CLCN3: variants seen among roughly 807,000 people sequenced by gnomAD.
CLCN3 encodes H(+)/Cl(-) exchange transporter 3.
Under a neutral mutation model 83.4 loss-of-function variants are expected in CLCN3, and 16 were observed. The ratio of observed to expected loss-of-function variants is 0.19; its 90% CI spans 0.13 to 0.29. The LOEUF is 0.29. Ranked by LOEUF, CLCN3 falls within the 10% of genes least tolerant of loss-of-function variation. The probability of loss-of-function intolerance (pLI) is 1.00; values close to 1 mark genes in which losing one functional copy is unlikely to be tolerated. For synonymous variants in CLCN3, 322 were observed against 346.2 expected, an observed-to-expected ratio of 0.93 and a Z score of 0.78; for missense variants, 544 against 1,006.0, an observed-to-expected ratio of 0.54 and a Z score of 6.21.
chr4:169,714,737 T>TA (rs1426252710), intron 12 of CLCN3, among the ~76,000 whole-genome samples: 3 of 152,128 alleles, frequency 2.0e-5, no homozygotes, highest in African/African-American at 7.2e-5. Flanking sequence ...CTGCGCTAAT[T>TA]AAAATAACTC....
intron 2 of CLCN3, among the ~76,000 whole-genome samples, chr4:169,676,660 T>A (rs1731691851): frequency 6.6e-6 from 1 of 150,860 alleles, no homozygotes; most frequent in East Asian, 1.9e-4. Flanking sequence ...ATTTTTTTTT[T>A]TTTTTTTTTG....
chr4:169,659,808 T>A (rs758173280), intron 2 of CLCN3, among the ~76,000 whole-genome samples: 3 of 152,108 alleles, frequency 2.0e-5, no homozygotes, highest in Non-Finnish European at 4.4e-5. Context: ...ATGACTCACA[T>A]GACATTACTG....
At chr4:169,660,039 G>A in intron 2 of CLCN3, 2 of 1,002,020 alleles carry the variant, frequency 2.0e-6, no homozygotes, top group Non-Finnish European at 2.4e-6. Context: ...GCTGTATTGT[G>A]AGTGTTTCAA....
chr4:169,660,330 T>C, intron 2 of CLCN3: 1 of 1,374,400 alleles, frequency 7.3e-7, no homozygotes, highest in South Asian at 1.8e-5. Flanking sequence ...TAGCAAGCTT[T>C]TTCTTTTTCT....
At chr4:169,625,140 A>T (rs890756140) in intron 1 of CLCN3, among the ~76,000 whole-genome samples, 1 of 152,154 alleles carries the variant, frequency 6.6e-6, no homozygotes, top group Non-Finnish European at 1.5e-5. Flanking sequence ...TTTTTACAAT[A>T]TTTATATGAA....
At position 169,632,362 on chromosome 4, in the gene CLCN3, C is replaced by T. The variant is rs191106662; in HGVS notation, c.-16-3551C>T. 2.7e-4 allele frequency among the ~76,000 whole-genome samples: 41 copies of T among 152,212 alleles called. 1 individual carries two copies. Among genetic ancestry groups the T allele is most frequent in the Admixed American group, 2.2e-3 (33 of 15,292 alleles). ...AACAAGCATGTGAAAAAATGCTCAA[C>T]ATCACTAATGATTAGCGAAATGGAA... On this transcript the variant is annotated intron_variant, in intron 1 of 12. Transcript: ENST00000513761.
chr4:169,701,824 G>A (rs1033917804), intron 9 of CLCN3, among the ~76,000 whole-genome samples: 1 of 152,106 alleles, frequency 6.6e-6, no homozygotes, highest in African/African-American at 2.4e-5. Flanking sequence ...TTATATGTTG[G>A]CATACTTCTG....
chr4:169,676,650 A>ATT (rs557077180), intron 2 of CLCN3, among the ~76,000 whole-genome samples: 31 of 128,244 alleles, frequency 2.4e-4, no homozygotes, highest in East Asian at 4.5e-4. Context: ...CATGCCCAGC[A>ATT]TTTTTTTTTT....
chr4:169,699,466 A>C (rs573552978), intron 9 of CLCN3, among the ~76,000 whole-genome samples: 162 of 152,302 alleles, frequency 1.1e-3, no homozygotes, highest in African/African-American at 3.8e-3. Context: ...GTGCTTTTAC[A>C]GATGTAAATT....
intron 2 of CLCN3, among the ~76,000 whole-genome samples, chr4:169,646,539 G>GC (rs1223988061): frequency 1.3e-5 from 2 of 151,882 alleles, no homozygotes; most frequent in Non-Finnish European, 1.5e-5. Flanking sequence ...CAAATGATCT[G>GC]CCCCCCTCGG....
chr4:169,722,589 A>ACTT lies in CLCN3; in HGVS notation c.*2594_*2596dup, dbSNP rs1733675396. 1 of 152,106 alleles carries ACTT rather than the reference A, an allele frequency of 6.6e-6. No homozygotes were observed. Among genetic ancestry groups the ACTT allele is most frequent in the African/African-American group, 2.4e-5 (1 of 41,402 alleles). 9.4% of individuals were successfully genotyped at this position (152,106 alleles called of 1,614,324 possible). On this transcript the variant is annotated 3_prime_UTR_variant, in exon 13 of 13. Coordinates refer to ENST00000513761, the MANE Select transcript of CLCN3 (RefSeq NM_001829.4). ...GTTTCTTTGCAGATAGCTTCGTAAA[A>ACTT]CTTCACATGGAGTTTATTTTATCAT...
intron 2 of CLCN3, among the ~76,000 whole-genome samples, chr4:169,647,215 C>T (rs13108826): frequency 0.17 from 25,701 of 151,966 alleles, 2,804 homozygotes; most frequent in South Asian, 0.3. Context: ...TATGGCGAAA[C>T]CCTGTCTCTA....
intron 2 of CLCN3, among the ~76,000 whole-genome samples, chr4:169,665,050 A>T (rs1286542580): frequency 6.6e-6 from 1 of 152,228 alleles, no homozygotes; most frequent in Non-Finnish European, 1.5e-5. Flanking sequence ...TTTCTCTAAC[A>T]AATTTTATAA....
At chr4:169,684,422 T>G (rs1250676086) in intron 3 of CLCN3, among the ~76,000 whole-genome samples, 1 of 152,206 alleles carries the variant, frequency 6.6e-6, no homozygotes, top group Non-Finnish European at 1.5e-5. Context: ...GACTCATGGA[T>G]TTAAGTATAT....
At chr4:169,659,895 G>GA (rs1241770201) in intron 2 of CLCN3, among the ~76,000 whole-genome samples, 1 of 151,954 alleles carries the variant, frequency 6.6e-6, no homozygotes, top group Non-Finnish European at 1.5e-5. Context: ...CATTAGAAAT[G>GA]AAAAAGGGCA....
intron 7 of CLCN3, among the ~76,000 whole-genome samples, chr4:169,695,289 C>T (rs1259310182): frequency 1.3e-5 from 2 of 152,298 alleles, no homozygotes; most frequent in South Asian, 4.1e-4. Context: ...TACTGCCCTC[C>T]CCTCTTACCT....
At chr4:169,624,423 C>T (rs1438481775) in intron 1 of CLCN3, among the ~76,000 whole-genome samples, 8 of 151,994 alleles carry the variant, frequency 5.3e-5, no homozygotes, top group African/African-American at 1.9e-4. Flanking sequence ...CATGAGCCAC[C>T]GTGCCGAGCC....
intron 3 of CLCN3, among the ~76,000 whole-genome samples, chr4:169,684,837 CA>C (rs1482788630): frequency 1.3e-5 from 2 of 152,148 alleles, no homozygotes; most frequent in Non-Finnish European, 2.9e-5. Context: ...GTTTACCCCA[CA>C]ATACACACAT....
chr4:169,698,223 T>A (rs1732642975), intron 9 of CLCN3, among the ~76,000 whole-genome samples: 1 of 152,228 alleles, frequency 6.6e-6, no homozygotes, highest in African/African-American at 2.4e-5. Context: ...CAAGCATTTA[T>A]CCCTTGTGTT....
Sources: allele counts gnomAD v4.1 joint callset (sites outside exome capture counted in the v4.1 genomes callset), GRCh38; gene constraint gnomAD v4.1.1; transcripts MANE v1.5; gene names NCBI Gene and HGNC (gene_info 2026-07-23, HGNC 2026-07-21).